Variants in PCDHA4 observed in about 807,000 individuals in gnomAD.
PCDHA4 encodes the protein protocadherin alpha 4.
A neutral mutation model predicts 61.4 loss-of-function variants in PCDHA4; 49 were observed. The observed-to-expected ratio is 0.80, with a 90% CI of 0.63 to 1.01. The LOEUF (loss-of-function observed/expected upper bound fraction) is 1.01. Ranked by LOEUF, PCDHA4 falls within the 50% of genes least tolerant of loss-of-function variation. The probability of loss-of-function intolerance (pLI) is 0.00; values close to 1 mark genes in which losing one functional copy is unlikely to be tolerated. For missense variants in PCDHA4, 1,254 were observed against 1,235.8 expected (o/e 1.01, Z -0.22); for synonymous variants, 590 against 550.3 (o/e 1.07, Z -1.01).
chr5:141,011,876 A>G lies in PCDHA4; in HGVS notation c.*1939A>G, dbSNP rs2098422094. ...AATTTTGTTATAATGTACAATTTAG[A>G]AGTTTGATTAATTATATTATCTATT... On this transcript the variant is annotated 3_prime_UTR_variant, in exon 4 of 4. Coordinates refer to ENST00000530339, the MANE Select transcript of PCDHA4 (RefSeq NM_018907.4). 6.5e-6 allele frequency: 1 copy of G among 153,584 alleles called. No individual in the cohort carries two copies. The highest frequency in any genetic ancestry group is 2.4e-5 in the African/African-American group (1 of 41,298). 9.5% of individuals were successfully genotyped at this position (153,584 alleles called of 1,614,324 possible).
chr5:140,949,012 A>G (rs1029892336), intron 1 of PCDHA4, among the ~76,000 whole-genome samples: 11 of 151,632 alleles, frequency 7.3e-5, no homozygotes, highest in African/African-American at 2.7e-4. Flanking sequence ...TTTATATGTG[A>G]TGTTTTTATT....
intron 3 of PCDHA4, among the ~76,000 whole-genome samples, chr5:140,993,224 G>A (rs547665525): frequency 6.6e-6 from 1 of 152,210 alleles, no homozygotes; most frequent in East Asian, 1.9e-4. Context: ...TTTTTGGTAT[G>A]TTCTCTCTGA....
Position 140,851,603 on chromosome 5 carries a change from A to C in PCDHA4, c.2385+42031A>C, listed in dbSNP as rs1213150378. 1.6e-5 allele frequency: 15 copies of C among 916,732 alleles called. No individual in the cohort carries two copies. In the African/African-American group the frequency reaches 2.5e-4, roughly 15 times the overall value. The allele number at this position is 916,732 out of a possible 1,614,324, so 56.8% of individuals were successfully genotyped here. On this transcript the variant is annotated intron_variant, in intron 1 of 3. Coordinates refer to ENST00000530339, the MANE Select transcript of PCDHA4 (RefSeq NM_018907.4). ...ACATTTTTTGAAATTCAGTTTACAG[A>C]AATTGGAGAAAATGCTTTTTAAACA...
chr5:140,828,113 A>G (rs1769535465), intron 1 of PCDHA4: 1 of 1,611,760 alleles, frequency 6.2e-7, no homozygotes, highest in Non-Finnish European at 8.5e-7. Flanking sequence ...CCCGGAGGAT[A>G]GATTGGGAAA....
chr5:140,872,354 A>G (rs2053612951), intron 1 of PCDHA4, among the ~76,000 whole-genome samples: 1 of 152,138 alleles, frequency 6.6e-6, no homozygotes, highest in Non-Finnish European at 1.5e-5. Context: ...TTGCCAGGCA[A>G]AGTGGTTCAG....
chr5:140,843,104 C>A (rs1327692669), intron 1 of PCDHA4: 3 of 1,595,712 alleles, frequency 1.9e-6, no homozygotes, highest in Non-Finnish European at 1.7e-6. Context: ...AGCGAAGGTG[C>A]GCGCAGTGGA....
chr5:140,830,816 C>T (rs2150189865), intron 1 of PCDHA4: 1 of 156,806 alleles, frequency 6.4e-6, no homozygotes, highest in South Asian at 2.0e-4. Context: ...ATTTGTTTGC[C>T]TTTGAGCTTT....
chr5:140,809,653 A>T lies in PCDHA4; in HGVS notation c.2385+81A>T, dbSNP rs1315085871. 5 of 1,493,784 alleles carry T rather than the reference A, an allele frequency of 3.3e-6. No homozygotes were observed. The African/African-American group carries it at 5.6e-5, about 17-fold the overall frequency. The allele number at this position is 1,493,784 out of a possible 1,614,324, so 92.5% of individuals were successfully genotyped here. On this transcript the variant is annotated intron_variant, in intron 1 of 3. Transcript: ENST00000530339. Reference sequence around the variant, plus strand: ...CTTCGTAAATTTATTTCTAAGAGTCAAATTTCCCTGGGTTAAAATTTTACC... The same window carrying T: ...CTTCGTAAATTTATTTCTAAGAGTCTAATTTCCCTGGGTTAAAATTTTACC...
At position 140,807,370 on chromosome 5, in the gene PCDHA4, G is replaced by A; in HGVS notation, c.183G>A (p.Pro61=). The change falls in exon 1 of 4, where the codon CCG becomes CCA. Residue 61 remains proline (P), a synonymous_variant. Transcript: ENST00000530339. Reference sequence around the variant, plus strand: ...GACTGGAGCTGGCGGAGCTGGTGCCGCGCCTGTTCCGGGTGGCGTCCAAGG... The same window carrying A: ...GACTGGAGCTGGCGGAGCTGGTGCCACGCCTGTTCCGGGTGGCGTCCAAGG... ...DLGLELAELV[P]RLFRVASKGR... 6.2e-7 allele frequency: 1 copy of A among 1,608,352 alleles called. No homozygotes were observed. Among genetic ancestry groups the A allele is most frequent in the Non-Finnish European group, 8.5e-7 (1 of 1,178,550 alleles).
intron 1 of PCDHA4, among the ~76,000 whole-genome samples, chr5:140,951,145 TG>T (rs1554219754): frequency 9.9e-6 from 1 of 100,698 alleles, no homozygotes; most frequent in African/African-American, 4.8e-5. Flanking sequence ...TTTATCTTAT[TG>T]AATATAGTTA....
At chr5:140,941,204 T>TTTCC (rs1348435161) in intron 1 of PCDHA4, among the ~76,000 whole-genome samples, 2 of 88,662 alleles carry the variant, frequency 2.3e-5, no homozygotes, top group Non-Finnish European at 4.4e-5. Flanking sequence ...TCTTTCTTCC[T>TTTCC]TTCTTTCTTC....
intron 1 of PCDHA4, chr5:140,841,314 T>C (rs2150313381): frequency 7.6e-6 from 12 of 1,583,242 alleles, no homozygotes; most frequent in Non-Finnish European, 1.0e-5. Flanking sequence ...AGGAAACGAC[T>C]ATTTAACATG....
chr5:140,814,784 CG>C (rs1765588725), intron 1 of PCDHA4: 1 of 152,144 alleles, frequency 6.6e-6, no homozygotes, highest in African/African-American at 2.4e-5. Context: ...TTGGTTGAAA[CG>C]TTGTTATACA....
At chr5:140,828,819 A>C (rs140245330) in intron 1 of PCDHA4, 1 of 1,614,224 alleles carries the variant, frequency 6.2e-7, no homozygotes, top group Non-Finnish European at 8.5e-7. Context: ...CCCACTTTCG[A>C]ACAGTCTGAA....
In PCDHA4 at chr5:140,842,698, G is replaced by C. The variant is rs2150342332; in HGVS notation, c.2385+33126G>C. On this transcript the variant is annotated intron_variant, in intron 1 of 3. Transcript: ENST00000530339. ...ATGCTCCGGCGTTCGCGCAGCCCGA[G>C]TACACGGTGTTCGTGAAGGAGAACA... The C allele has an allele frequency of 9.4e-6, 15 of 1,595,366 alleles. 2 individuals carry two copies. The highest frequency in any genetic ancestry group is 4.3e-6 in the Non-Finnish European group (5 of 1,165,528).
In PCDHA4 at chr5:140,848,706, C is replaced by T. The variant is rs2150418265; in HGVS notation, c.2385+39134C>T. On this transcript the variant is annotated intron_variant, in intron 1 of 3. Coordinates refer to ENST00000530339, the MANE Select transcript of PCDHA4 (RefSeq NM_018907.4). ...CCTGTTCCAGTTGGATTCCAAAGGC[C>T]GCGGGGACCTTCTGGAGGTAAATCT... 43 of 1,592,328 alleles carry T rather than the reference C, an allele frequency of 2.7e-5. 5 individuals are homozygous for T. In the South Asian group the frequency reaches 4.1e-4, roughly 15 times the overall value.
At chr5:140,860,143 GTA>G (rs1352808505) in intron 1 of PCDHA4, 2 of 148,758 alleles carry the variant, frequency 1.3e-5, no homozygotes, top group Non-Finnish European at 3.0e-5. Flanking sequence ...GTATATATAT[GTA>G]TATATGTGTA....
intron 1 of PCDHA4, chr5:140,809,861 A>G: frequency 3.5e-6 from 1 of 287,918 alleles, no homozygotes; most frequent in South Asian, 6.6e-5. Context: ...TTTAGAAAAC[A>G]TTTTACTATT....
At chr5:140,821,760 T>C (rs201374772) in intron 1 of PCDHA4, 197 of 1,588,374 alleles carry the variant, frequency 1.2e-4, no homozygotes, top group East Asian at 4.3e-4. Flanking sequence ...AAGCTCATAA[T>C]TGGAACGAGA....
Sources: allele counts gnomAD v4.1 joint callset (sites outside exome capture counted in the v4.1 genomes callset), GRCh38; gene constraint gnomAD v4.1.1; transcripts MANE v1.5; gene names NCBI Gene and HGNC (gene_info 2026-07-23, HGNC 2026-07-21).